Variants in PIP5K1B observed in about 807,000 individuals in gnomAD.
The protein encoded by PIP5K1B is phosphatidylinositol 4-phosphate 5-kinase type-1 beta.
In PIP5K1B, 42 loss-of-function variants were observed where a neutral mutation model predicts 67.0. The ratio of observed to expected loss-of-function variants is 0.63; its 90% CI spans 0.49 to 0.81. PIP5K1B has a LOEUF of 0.81. Among genes scored for constraint, PIP5K1B ranks in the 30% least tolerant of loss-of-function variants. The probability of loss-of-function intolerance (pLI) is 0.00; values close to 1 mark genes in which losing one functional copy is unlikely to be tolerated. For synonymous variants in PIP5K1B, 214 were observed against 231.4 expected, an observed-to-expected ratio of 0.92 and a Z score of 0.68; for missense variants, 459 against 646.3, an observed-to-expected ratio of 0.71 and a Z score of 3.14.
At chr9:68,997,203 C>A (rs1047332819) in intron 15 of PIP5K1B, among the ~76,000 whole-genome samples, 1 of 152,094 alleles carries the variant, frequency 6.6e-6, no homozygotes, top group African/African-American at 2.4e-5. Context: ...ATGGAAAAAG[C>A]GTGAGAAAGA....
At chr9:68,806,261 C>G (rs977536264) in intron 2 of PIP5K1B, among the ~76,000 whole-genome samples, 1 of 152,170 alleles carries the variant, frequency 6.6e-6, no homozygotes, top group African/African-American at 2.4e-5. Flanking sequence ...GAAGCTTGCA[C>G]GCCTTGCCAT....
intron 4 of PIP5K1B, among the ~76,000 whole-genome samples, chr9:68,840,094 C>T (rs963709677): frequency 7.2e-5 from 11 of 152,252 alleles, no homozygotes; most frequent in Middle Eastern, 3.4e-3. Context: ...AAGTATTTCA[C>T]GGCCCGGCAC....
At chr9:68,816,318 A>G (rs1325089729) in intron 2 of PIP5K1B, among the ~76,000 whole-genome samples, 1 of 152,054 alleles carries the variant, frequency 6.6e-6, no homozygotes, top group Non-Finnish European at 1.5e-5. Context: ...TGGTAGAGAC[A>G]GGGTTTCACC....
At chr9:68,979,946 C>T (rs1829818938) in intron 14 of PIP5K1B, among the ~76,000 whole-genome samples, 1 of 152,212 alleles carries the variant, frequency 6.6e-6, no homozygotes, top group Non-Finnish European at 1.5e-5. Flanking sequence ...TGAAAGCCTC[C>T]TGTATGGTGG....
intron 2 of PIP5K1B, among the ~76,000 whole-genome samples, chr9:68,748,831 C>T (rs1829467977): frequency 6.6e-6 from 1 of 152,004 alleles, no homozygotes; most frequent in African/African-American, 2.4e-5. Flanking sequence ...AGGCTGGTCT[C>T]GAACTCCCGA....
At chr9:68,974,951 G>C (rs1829563291) in intron 14 of PIP5K1B, among the ~76,000 whole-genome samples, 1 of 152,256 alleles carries the variant, frequency 6.6e-6, no homozygotes, top group African/African-American at 2.4e-5. Context: ...AACCTGAGTA[G>C]AGTCTGAAAG....
At chr9:68,927,169 A>G (rs993648924) in intron 12 of PIP5K1B, among the ~76,000 whole-genome samples, 1 of 152,164 alleles carries the variant, frequency 6.6e-6, no homozygotes, top group East Asian at 1.9e-4. Flanking sequence ...TTGTTTATTC[A>G]TCAGTTGATG....
chr9:69,004,776 AC>A (rs1294528946), intron 15 of PIP5K1B, among the ~76,000 whole-genome samples: 2 of 151,800 alleles, frequency 1.3e-5, no homozygotes, highest in Non-Finnish European at 2.9e-5. Flanking sequence ...CTAATATAGG[AC>A]TCCTGAGTTA....
At chr9:68,938,315 G>T (rs1827377825) in intron 13 of PIP5K1B, among the ~76,000 whole-genome samples, 1 of 152,082 alleles carries the variant, frequency 6.6e-6, no homozygotes, top group Admixed American at 6.6e-5. Flanking sequence ...AGAATAGTTA[G>T]CTCTTCTTGC....
At chr9:68,869,793 T>C (rs756155135) in intron 5 of PIP5K1B, among the ~76,000 whole-genome samples, 5 of 152,062 alleles carry the variant, frequency 3.3e-5, no homozygotes, top group Non-Finnish European at 7.4e-5. Context: ...GCCTGGGCAA[T>C]ATAGTGAGAC....
intron 2 of PIP5K1B, among the ~76,000 whole-genome samples, chr9:68,812,290 C>G (rs1833211761): frequency 6.6e-6 from 1 of 152,200 alleles, no homozygotes. Flanking sequence ...CGTAGTTGCT[C>G]AATACATGAT....
chr9:68,779,947 T>TCACCC, intron 2 of PIP5K1B: 1 of 537,760 alleles, frequency 1.9e-6, no homozygotes, highest in Non-Finnish European at 3.0e-6. Flanking sequence ...CGACCACTCC[T>TCACCC]CGCCCCTCCC....
In PIP5K1B at chr9:68,780,082, G is replaced by A. The variant is rs528045876; in HGVS notation, c.-86+37425G>A. ...CCGCTGACAGATTCTCGGTGGCGGC[G>A]GCAGCGGCGGCGGCCCTGGACTGCG... On this transcript the variant is annotated intron_variant, in intron 2 of 15. Transcript: ENST00000265382. 7.3e-5 allele frequency: 97 copies of A among 1,334,340 alleles called. No homozygotes were observed. The African/African-American group carries it at 1.2e-3, about 16-fold the overall frequency. The allele number at this position is 1,334,340 out of a possible 1,614,324, so 82.7% of individuals were successfully genotyped here. A position where few individuals can be genotyped will look rare whatever the true frequency, so the allele number is the denominator to read the frequency against.
intron 4 of PIP5K1B, among the ~76,000 whole-genome samples, chr9:68,841,045 A>G (rs956817927): frequency 1.3e-5 from 2 of 152,134 alleles, no homozygotes; most frequent in African/African-American, 2.4e-5. Flanking sequence ...TCACTGTCTC[A>G]GGTCTGTATT....
chr9:68,738,347 T>A (rs575365293), intron 1 of PIP5K1B, among the ~76,000 whole-genome samples: 1 of 152,242 alleles, frequency 6.6e-6, no homozygotes, highest in Admixed American at 6.5e-5. Flanking sequence ...TTAAAAACAG[T>A]AACACTTGTA....
chr9:68,854,024 GTTT>G (rs1299158813), intron 4 of PIP5K1B, among the ~76,000 whole-genome samples: 7 of 73,908 alleles, frequency 9.5e-5, no homozygotes, highest in African/African-American at 1.7e-4. Flanking sequence ...GCATATATAA[GTTT>G]TTATTATTAT....
intron 4 of PIP5K1B, among the ~76,000 whole-genome samples, chr9:68,847,161 C>A (rs188378002): frequency 5.3e-4 from 80 of 152,210 alleles, no homozygotes; most frequent in African/African-American, 1.8e-3. Context: ...ACTATCAGAG[C>A]ACTGAGAGAT....
chr9:68,865,906 T>G (rs1564193129), intron 5 of PIP5K1B, among the ~76,000 whole-genome samples: 1 of 152,234 alleles, frequency 6.6e-6, no homozygotes, highest in Non-Finnish European at 1.5e-5. Context: ...ATCTTTCTGG[T>G]AGATAACAAA....
chr9:69,002,251 C>G (rs1480740143), intron 15 of PIP5K1B, among the ~76,000 whole-genome samples: 1 of 152,242 alleles, frequency 6.6e-6, no homozygotes, highest in African/African-American at 2.4e-5. Flanking sequence ...CTCAAGGCTT[C>G]TCGGTTGAAG....
Sources: allele counts gnomAD v4.1 joint callset (sites outside exome capture counted in the v4.1 genomes callset), GRCh38; gene constraint gnomAD v4.1.1; transcripts MANE v1.5; gene names NCBI Gene and HGNC (gene_info 2026-07-23, HGNC 2026-07-21).